FBXW11: variants seen among roughly 807,000 people sequenced by gnomAD.
The protein encoded by FBXW11 is F-box and WD repeat domain containing 11, also known as F-box/WD repeat-containing protein 11.
FBXW11 carries 19 observed loss-of-function variants against 77.6 expected under a neutral mutation model. The ratio of observed to expected loss-of-function variants is 0.24; its 90% confidence interval spans 0.17 to 0.36. FBXW11 has a LOEUF of 0.36. Among genes scored for constraint, FBXW11 ranks in the 10% least tolerant of loss-of-function variants. The pLI, the probability that FBXW11 is intolerant of heterozygous loss-of-function variation, is 1.00. For synonymous variants in FBXW11, 235 were observed against 249.4 expected, an observed-to-expected ratio of 0.94 and a Z score of 0.54; for missense variants, 334 against 704.2, an observed-to-expected ratio of 0.47 and a Z score of 5.95.
chr5:171,983,137 C>A (rs950028625), intron 1 of FBXW11, among the ~76,000 whole-genome samples: 1 of 152,124 alleles, frequency 6.6e-6, no homozygotes, highest in African/African-American at 2.4e-5. Context: ...CTGTGGTGAG[C>A]TGTTTGTGCC....
Position 171,900,063 on chromosome 5 carries a change from C to T in FBXW11, c.474G>A (p.Ser158=), listed in dbSNP as rs779999703. The T allele has an allele frequency of 2.0e-5, 32 of 1,612,990 alleles. No individual in the cohort carries two copies. Among genetic ancestry groups the T allele is most frequent in the Non-Finnish European group, 2.4e-5 (28 of 1,179,434 alleles). ...CACACAGAGACCTGGCATCCAGGTA[C>T]GAAAGAATGTTTTCTGCTATGTGAT... is the stretch of plus-strand genomic sequence containing the variant. ...GLDHIAENIL[S]YLDARSLCAA... is the part of the protein sequence containing the mutation. Residue 158 remains serine (S), a synonymous_variant, in exon 5 of 14, where the codon TCG becomes TCA. Transcript: ENST00000517395.
intron 6 of FBXW11, among the ~76,000 whole-genome samples, chr5:171,898,506 G>C (rs1302633873): frequency 1.3e-5 from 2 of 152,080 alleles, no homozygotes; most frequent in Non-Finnish European, 2.9e-5. Context: ...GTGAAGTTAC[G>C]CTCAAATCCA....
chr5:171,999,551 G>GC (rs1237944392), intron 1 of FBXW11, among the ~76,000 whole-genome samples: 3 of 151,910 alleles, frequency 2.0e-5, no homozygotes, highest in African/African-American at 4.8e-5. Context: ...AGTTCTTCCT[G>GC]CCCCTCTGCC....
At chr5:171,950,269 A>C (rs961452493) in intron 2 of FBXW11, among the ~76,000 whole-genome samples, 1 of 152,140 alleles carries the variant, frequency 6.6e-6, no homozygotes, top group Non-Finnish European at 1.5e-5. Flanking sequence ...CTTGGAATAT[A>C]AATGGGTCTA....
At position 171,937,292 on chromosome 5, in the gene FBXW11, A is replaced by C. The variant is rs373929845; in HGVS notation, c.147+20305T>G. On this transcript the variant is annotated intron_variant, in intron 2 of 13. Coordinates refer to ENST00000517395, the MANE Select transcript of FBXW11 (RefSeq NM_001378974.1). ...AAGTGGGGAATCAGTCCTACCAGAC[A>C]TCAAAATACACCATAAATAAGCCTC... Among the ~76,000 whole-genome samples the C allele has an allele frequency of 2.0e-4, 31 of 152,330 alleles. No individual in the cohort carries two copies. The East Asian group carries it at 5.6e-3, about 27-fold the overall frequency.
chr5:172,006,405 C>G (rs952260755), intron 1 of FBXW11, 53 bp downstream of exon 1: 3 of 1,489,422 alleles, frequency 2.0e-6, no homozygotes, highest in Admixed American at 4.1e-5. Flanking sequence ...GTGGGCAGGC[C>G]CGCCCGGGGC....
At chr5:171,966,379 A>G (rs534410393) in intron 1 of FBXW11, among the ~76,000 whole-genome samples, 27 of 152,172 alleles carry the variant, frequency 1.8e-4, no homozygotes, top group Non-Finnish European at 3.2e-4. Flanking sequence ...TACAACTACC[A>G]CCCATGATTC....
chr5:171,972,809 T>C (rs1764611420), intron 1 of FBXW11, among the ~76,000 whole-genome samples: 1 of 152,110 alleles, frequency 6.6e-6, no homozygotes, highest in Non-Finnish European at 1.5e-5. Flanking sequence ...CCTCCCAAAG[T>C]GCTGGGATTA....
chr5:171,969,128 C>T (rs539910389), intron 1 of FBXW11, among the ~76,000 whole-genome samples: 44 of 152,216 alleles, frequency 2.9e-4, no homozygotes, highest in African/African-American at 1.0e-3. Context: ...ATTAGCCAGG[C>T]GTGGTGGCAC....
chr5:171,962,297 A>T lies in FBXW11; in HGVS notation c.46-4599T>A, dbSNP rs1035180272. On this transcript the variant is annotated intron_variant, in intron 1 of 13. Coordinates refer to ENST00000517395, the MANE Select transcript of FBXW11 (RefSeq NM_001378974.1). ...TCAAGAGAAACAACCCAGGAGGATC[A>T]TAGTGGGGATACTTAACAGAAGACT... Among the ~76,000 whole-genome samples, 205 of 152,344 alleles carry T rather than the reference A, an allele frequency of 1.3e-3. 1 individual carries two copies. The highest frequency in any genetic ancestry group is 1.7e-3 in the Non-Finnish European group (118 of 68,030).
chr5:172,001,319 A>AT (rs1766397778), intron 1 of FBXW11, among the ~76,000 whole-genome samples: 1 of 152,248 alleles, frequency 6.6e-6, no homozygotes, highest in Admixed American at 6.5e-5. Context: ...GGATGATATG[A>AT]TAAGTCCCAT....
At chr5:171,870,388 A>AAC (rs10555447) in intron 11 of FBXW11, among the ~76,000 whole-genome samples, 64 of 150,412 alleles carry the variant, frequency 4.3e-4, no homozygotes, top group Admixed American at 1.3e-3. Context: ...TTGTTGAACG[A>AAC]ACACACACAC....
At chr5:171,945,660 GCACT>G (rs994202722) in intron 2 of FBXW11, among the ~76,000 whole-genome samples, 2 of 152,136 alleles carry the variant, frequency 1.3e-5, no homozygotes, top group African/African-American at 2.4e-5. Flanking sequence ...TCTCTGCGAA[GCACT>G]CACTATTTCA....
intron 10 of FBXW11, among the ~76,000 whole-genome samples, chr5:171,872,163 T>G (rs1190700536): frequency 1.3e-5 from 2 of 152,228 alleles, no homozygotes; most frequent in African/African-American, 2.4e-5. Context: ...ACGCCAAAGT[T>G]TAGTCACTTA....
intron 2 of FBXW11, among the ~76,000 whole-genome samples, chr5:171,938,336 T>C (rs775767933): frequency 2.9e-4 from 44 of 152,228 alleles, no homozygotes; most frequent in Non-Finnish European, 5.3e-4. Context: ...TCACTGCGGT[T>C]ACAGGCGTGA....
At position 171,927,929 on chromosome 5, in the gene FBXW11, T is replaced by C. The variant is rs62381954; in HGVS notation, c.148-13524A>G. Among the ~76,000 whole-genome samples the C allele has an allele frequency of 3.2e-3, 495 of 152,332 alleles. 2 individuals are homozygous for C. The highest frequency in any genetic ancestry group is 5.1e-3 in the Non-Finnish European group (347 of 68,018). ...TTTGTTTTCATCAGAAAAGACTTCA[T>C]ACTACAAGTTATTAAATCTAAGGGT... On this transcript the variant is annotated intron_variant, in intron 2 of 13. Coordinates refer to ENST00000517395, the MANE Select transcript of FBXW11 (RefSeq NM_001378974.1).
Position 171,904,230 on chromosome 5 carries a change from G to A in FBXW11, c.437-4130C>T, listed in dbSNP as rs1760324084. The stretch of plus-strand genomic sequence containing the variant: ...GAACCACTTGAACCTAGGAGGTGGC[G>A]GTTGCAGTAAGTGGAGATCATGCCA... On this transcript the variant is annotated intron_variant, in intron 4 of 13. Transcript: ENST00000517395. This position sits in a 1 kb window ranked among gnomAD's most constrained non-coding sequence, Gnocchi z 4.0. Among the ~76,000 whole-genome samples, 1 of 152,066 alleles carries A rather than the reference G, an allele frequency of 6.6e-6. No individual in the cohort carries two copies. Among genetic ancestry groups the A allele is most frequent in the East Asian group, 1.9e-4 (1 of 5,180 alleles).
chr5:171,982,269 T>G (rs983811544), intron 1 of FBXW11, among the ~76,000 whole-genome samples: 2 of 152,080 alleles, frequency 1.3e-5, no homozygotes, highest in Admixed American at 6.6e-5. Context: ...TTATTTTTAT[T>G]TATTTATTTA....
chr5:171,872,087 C>T (rs1757785359), intron 10 of FBXW11, among the ~76,000 whole-genome samples: 1 of 151,938 alleles, frequency 6.6e-6, no homozygotes, highest in African/African-American at 2.4e-5. Flanking sequence ...ATTTGCTTGC[C>T]TTAAAAAAAA....
Sources: gnomAD v4.1 joint callset for allele counts (sites outside exome capture counted in the v4.1 genomes callset) on GRCh38, gnomAD v4.1.1 for gene constraint, Gnocchi (gnomAD v3.1) non-coding constraint, MANE v1.5 for transcripts, NCBI Gene and HGNC (gene_info 2026-07-23, HGNC 2026-07-21) for gene names.